CCDC138: variants seen among roughly 807,000 people sequenced by gnomAD.
CCDC138 encodes coiled-coil domain containing 138, also known as coiled-coil domain-containing protein 138.
CCDC138 carries 66 observed loss-of-function variants against 82.3 expected under a neutral mutation model. The observed-to-expected ratio is 0.80, with a 90% CI of 0.66 to 0.98. The LOEUF (loss-of-function observed/expected upper bound fraction) is 0.98, where lower values mean the gene tolerates loss of function less well. CCDC138 is among the 50% of genes least tolerant of loss of function. The pLI, the probability that CCDC138 is intolerant of heterozygous loss-of-function variation, is 0.00. For synonymous variants in CCDC138, 297 were observed against 265.4 expected, an observed-to-expected ratio of 1.12 and a Z score of -1.16; for missense variants, 816 against 758.9, an observed-to-expected ratio of 1.08 and a Z score of -0.88.
intron 12 of CCDC138, among the ~76,000 whole-genome samples, chr2:108,852,185 G>A (rs947635791): frequency 1.3e-5 from 2 of 152,078 alleles, no homozygotes; most frequent in African/African-American, 2.4e-5. Flanking sequence ...GGAAATTGAG[G>A]CATAAAAAAG....
At chr2:108,870,911 T>A (rs1189832809) in intron 13 of CCDC138, among the ~76,000 whole-genome samples, 1 of 150,072 alleles carries the variant, frequency 6.7e-6, no homozygotes. Flanking sequence ...GTAATGTGAA[T>A]TTACTTAATA....
chr2:108,840,175 CTG>C (rs1428737507), intron 11 of CCDC138, among the ~76,000 whole-genome samples: 2 of 151,994 alleles, frequency 1.3e-5, no homozygotes, highest in African/African-American at 4.8e-5. Context: ...ATTAAAGTCT[CTG>C]AAATAAAACC....
chr2:108,831,787 C>G (rs914625019), intron 10 of CCDC138, among the ~76,000 whole-genome samples: 2 of 150,100 alleles, frequency 1.3e-5, no homozygotes, highest in African/African-American at 2.5e-5. Flanking sequence ...GGCTGGAGCG[C>G]AATGGCATGA....
intron 13 of CCDC138, among the ~76,000 whole-genome samples, chr2:108,872,794 A>G (rs1288396185): frequency 2.0e-5 from 3 of 152,208 alleles, no homozygotes; most frequent in African/African-American, 4.8e-5. Context: ...ACAGAGGACA[A>G]GCATTCAAAC....
chr2:108,794,811 T>G, intron 5 of CCDC138, 90 bp downstream of exon 5: 1 of 993,122 alleles, frequency 1.0e-6, no homozygotes, highest in Non-Finnish European at 1.5e-6. Flanking sequence ...ATATTTCATT[T>G]TAATTACTTT....
In CCDC138 at chr2:108,812,806, A is replaced by G. The variant is rs10205240; in HGVS notation, c.934-14A>G. On this transcript the variant is annotated splice_polypyrimidine_tract_variant and intron_variant, in intron 8 of 14. Transcript: ENST00000295124. ...TACAATTGTTCTTTAATTCACGCAT[A>G]TATACTGTTGCAGAGGAAGTACGAG... is the stretch of plus-strand genomic sequence containing the variant. 0.014 allele frequency: 21,968 copies of G among 1,612,508 alleles called. 2,389 individuals carry two copies. The African/African-American group carries it at 0.24, about 18-fold the overall frequency.
chr2:108,822,500 A>G (rs1685881762), intron 10 of CCDC138, among the ~76,000 whole-genome samples: 2 of 152,212 alleles, frequency 1.3e-5, no homozygotes, highest in Non-Finnish European at 1.5e-5. Context: ...CAGATGATAC[A>G]TTCTTCTCTT....
intron 12 of CCDC138, among the ~76,000 whole-genome samples, chr2:108,848,165 A>T (rs1372666044): frequency 6.6e-6 from 1 of 152,210 alleles, no homozygotes; most frequent in African/African-American, 2.4e-5. Flanking sequence ...TTTATCATTT[A>T]ACTAAGATGT....
chr2:108,851,599 G>A (rs1226388534), intron 12 of CCDC138, among the ~76,000 whole-genome samples: 6 of 151,748 alleles, frequency 4.0e-5, no homozygotes, highest in Non-Finnish European at 7.3e-5. Flanking sequence ...CACCGCGCCC[G>A]GCCTTTCTCT....
chr2:108,880,095 CAG>C (rs1696247161), downstream of CCDC138, among the ~76,000 whole-genome samples: 1 of 151,180 alleles, frequency 6.6e-6, no homozygotes, highest in Non-Finnish European at 1.5e-5. Flanking sequence ...TTTTAAAAAA[CAG>C]AAATCAATGA....
At chr2:108,811,767 C>T (rs1478625057) in intron 7 of CCDC138, among the ~76,000 whole-genome samples, 1 of 152,076 alleles carries the variant, frequency 6.6e-6, no homozygotes, top group Non-Finnish European at 1.5e-5. Flanking sequence ...TACCCCTCTC[C>T]CCTCTTCCCT....
At chr2:108,845,279 G>A (rs907463108) in intron 11 of CCDC138, among the ~76,000 whole-genome samples, 1 of 152,072 alleles carries the variant, frequency 6.6e-6, no homozygotes, top group South Asian at 2.1e-4. Context: ...TGCACTGCTT[G>A]TGTGTCTGAC....
In CCDC138 at chr2:108,800,638, T is replaced by TTTTTTTTTTTTTTTTTTTTA. The variant is rs1491527939; in HGVS notation, c.735+2052_735+2053insTTTTTTTTTTTTTTTTTTTA. 8.1e-5 allele frequency among the ~76,000 whole-genome samples: 6 copies of TTTTTTTTTTTTTTTTTTTTA among 73,732 alleles called. 1 individual carries two copies. Among genetic ancestry groups the TTTTTTTTTTTTTTTTTTTTA allele is most frequent in the African/African-American group, 3.5e-4 (6 of 17,256 alleles). 48.4% of individuals were successfully genotyped at this position (73,732 alleles called of 152,430 possible). A position where few individuals can be genotyped will look rare whatever the true frequency, so the allele number is the denominator to read the frequency against. Reference sequence around the variant, plus strand: ...TTTTTTTTTTTTTTTTTTTTTTTTTTAATTATACTTTAAGTTTTAGGGTAC... The same window carrying TTTTTTTTTTTTTTTTTTTTA: ...TTTTTTTTTTTTTTTTTTTTTTTTTTTTTTTTTTTTTTTTTTTTTAAATTATACTTTAAGTTTTAGGGTAC... On this transcript the variant is annotated intron_variant, in intron 6 of 14. Transcript: ENST00000295124.
intron 10 of CCDC138, among the ~76,000 whole-genome samples, chr2:108,818,450 A>T (rs193096617): frequency 1.2e-4 from 18 of 152,310 alleles, no homozygotes; most frequent in Non-Finnish European, 1.9e-4. Context: ...CATGTTCAGG[A>T]TTTACAGTTT....
At chr2:108,797,239 G>A (rs1365176811) in intron 5 of CCDC138, among the ~76,000 whole-genome samples, 4 of 152,186 alleles carry the variant, frequency 2.6e-5, no homozygotes, top group East Asian at 1.9e-4. Flanking sequence ...AGTAGAGGAA[G>A]CAGAGCCTAT....
intron 11 of CCDC138, among the ~76,000 whole-genome samples, chr2:108,843,713 G>C (rs553818671): frequency 6.6e-6 from 1 of 151,846 alleles, no homozygotes; most frequent in East Asian, 1.9e-4. Flanking sequence ...TTATAAGTTT[G>C]ACTATGATGG....
At chr2:108,875,122 T>A (rs1574337908) in intron 14 of CCDC138, among the ~76,000 whole-genome samples, 1 of 151,990 alleles carries the variant, frequency 6.6e-6, no homozygotes, top group East Asian at 1.9e-4. Flanking sequence ...TAAATCCTTT[T>A]GTATTAGGAT....
intron 10 of CCDC138, among the ~76,000 whole-genome samples, chr2:108,831,202 C>A (rs990770708): frequency 6.6e-6 from 1 of 151,914 alleles, no homozygotes; most frequent in African/African-American, 2.4e-5. Flanking sequence ...AAAAATCTGA[C>A]AATGTCAGAT....
intron 11 of CCDC138, among the ~76,000 whole-genome samples, chr2:108,841,640 G>GT (rs373478497): frequency 3.3e-5 from 5 of 151,824 alleles, no homozygotes; most frequent in Non-Finnish European, 7.4e-5. Context: ...TCTAGAATGA[G>GT]TTTTTTTAAT....
Sources: allele counts gnomAD v4.1 joint callset (sites outside exome capture counted in the v4.1 genomes callset), GRCh38; gene constraint gnomAD v4.1.1; transcripts MANE v1.5; gene names NCBI Gene and HGNC (gene_info 2026-07-23, HGNC 2026-07-21).